The following PCSK5 variants were observed in gnomAD, a reference collection of about 807,000 sequenced individuals.
The protein encoded by PCSK5 is prohormone convertase 5.
In PCSK5, 129 loss-of-function variants were observed where a neutral mutation model predicts 233.2. That is an observed-to-expected ratio of 0.55 (90% CI 0.48 to 0.64). The LOEUF (loss-of-function observed/expected upper bound fraction) is 0.64, where lower values mean the gene tolerates loss of function less well. PCSK5 is among the 30% of genes least tolerant of loss of function. The probability of loss-of-function intolerance (pLI) is 0.00; values close to 1 mark genes in which losing one functional copy is unlikely to be tolerated. For missense variants in PCSK5, 2,076 were observed against 2,430.1 expected (o/e 0.85, Z 3.06); for synonymous variants, 825 against 879.2 (o/e 0.94, Z 1.09).
At chr9:75,940,649 A>AT (rs1209336744) in intron 2 of PCSK5, among the ~76,000 whole-genome samples, 3 of 152,238 alleles carry the variant, frequency 2.0e-5, no homozygotes, top group African/African-American at 7.2e-5. Flanking sequence ...CAAGAGTAAA[A>AT]TAGGTGTAAT....
At chr9:76,053,457 G>A (rs183849853) in intron 5 of PCSK5, among the ~76,000 whole-genome samples, 75 of 152,238 alleles carry the variant, frequency 4.9e-4, no homozygotes, top group African/African-American at 1.5e-3. Flanking sequence ...CTATTGCTTC[G>A]TTAGGCTGCA....
intron 24 of PCSK5, among the ~76,000 whole-genome samples, chr9:76,259,626 G>C (rs1827101280): frequency 6.6e-6 from 1 of 152,158 alleles, no homozygotes. Context: ...GCAGAGACTT[G>C]ATCGATTCTA....
At chr9:76,003,228 A>T (rs1827335579) in intron 3 of PCSK5, among the ~76,000 whole-genome samples, 1 of 152,188 alleles carries the variant, frequency 6.6e-6, no homozygotes, top group South Asian at 2.1e-4. Flanking sequence ...GCTCTTGATG[A>T]AAAGCCCTCA....
chr9:76,130,950 T>C (rs1273523324), intron 9 of PCSK5, among the ~76,000 whole-genome samples: 1 of 152,188 alleles, frequency 6.6e-6, no homozygotes, highest in Non-Finnish European at 1.5e-5. Flanking sequence ...TTCAAAGCTC[T>C]TGTTGCACAA....
At chr9:76,317,587 T>C (rs944276353) in intron 30 of PCSK5, among the ~76,000 whole-genome samples, 6 of 152,366 alleles carry the variant, frequency 3.9e-5, no homozygotes, top group South Asian at 2.1e-4. Context: ...GATTGGGTTA[T>C]TTGTTGCAGT....
At chr9:76,090,350 C>A (rs1009106507) in intron 7 of PCSK5, among the ~76,000 whole-genome samples, 1 of 151,978 alleles carries the variant, frequency 6.6e-6, no homozygotes, top group African/African-American at 2.4e-5. Flanking sequence ...TGAATGGAAA[C>A]CCCCTGTGCC....
intron 2 of PCSK5, among the ~76,000 whole-genome samples, chr9:75,962,282 C>A (rs1011804439): frequency 6.6e-6 from 1 of 152,158 alleles, no homozygotes; most frequent in Non-Finnish European, 1.5e-5. Context: ...CTTCCTTTAG[C>A]TCATTCAGAA....
At chr9:76,267,324 A>AT (rs1198949566) in intron 24 of PCSK5, among the ~76,000 whole-genome samples, 4 of 152,340 alleles carry the variant, frequency 2.6e-5, no homozygotes, top group African/African-American at 9.6e-5. Flanking sequence ...CAAAAGAATC[A>AT]TATCTTAGAT....
rs541789418 is a variant in PCSK5 at position 76,180,614 on chromosome 9, C to CCCACCTTCTCCCT, written c.2004-781_2004-769dup. 1.9e-3 allele frequency among the ~76,000 whole-genome samples: 294 copies of CCCACCTTCTCCCT among 152,188 alleles called. 3 individuals are homozygous for CCCACCTTCTCCCT. Among genetic ancestry groups the CCCACCTTCTCCCT allele is most frequent in the South Asian group, 0.018 (88 of 4,802 alleles). On this transcript the variant is annotated intron_variant, in intron 15 of 37. Transcript: ENST00000674117. ...CCTCCCCTTGTCTCCCACAGCCCCA[C>CCCACCTTCTCCCT]CCACCTTCTCCCTCCTCCTTCAGGC...
intron 20 of PCSK5, among the ~76,000 whole-genome samples, chr9:76,200,057 T>G (rs1824858361): frequency 6.6e-6 from 1 of 152,214 alleles, no homozygotes; most frequent in Admixed American, 6.5e-5. Flanking sequence ...CCCAGACTGC[T>G]GCAACAGCCT....
At chr9:76,164,106 C>A (rs895061656) in intron 12 of PCSK5, among the ~76,000 whole-genome samples, 1 of 151,798 alleles carries the variant, frequency 6.6e-6, no homozygotes, top group African/African-American at 2.4e-5. Flanking sequence ...AGTGTTTATG[C>A]TTCAGTCATT....
intron 35 of PCSK5, among the ~76,000 whole-genome samples, chr9:76,347,986 T>A (rs1200001603): frequency 1.3e-5 from 2 of 149,178 alleles, no homozygotes; most frequent in East Asian, 4.1e-4. Flanking sequence ...AACATGTCCA[T>A]CAGGCCAGGC....
chr9:75,946,326 G>A (rs1429215613), intron 2 of PCSK5, among the ~76,000 whole-genome samples: 1 of 152,180 alleles, frequency 6.6e-6, no homozygotes. Context: ...ATTGCATTTA[G>A]GATATTTGGA....
chr9:76,340,055 C>G (rs1829786119), intron 35 of PCSK5, among the ~76,000 whole-genome samples: 1 of 152,088 alleles, frequency 6.6e-6, no homozygotes, highest in African/African-American at 2.4e-5. Flanking sequence ...ATCATCTCAT[C>G]TCCTCCATGA....
chr9:76,158,897 T>C (rs1404278224), intron 11 of PCSK5, 86 bp from the exon 12 acceptor site: 3 of 1,082,300 alleles, frequency 2.8e-6, no homozygotes, highest in Non-Finnish European at 4.1e-6. Flanking sequence ...TTATCTTACA[T>C]TGTGTATTTA....
intron 10 of PCSK5, among the ~76,000 whole-genome samples, chr9:76,137,566 T>C (rs963697788): frequency 7.2e-5 from 11 of 152,152 alleles, no homozygotes; most frequent in African/African-American, 2.7e-4. Flanking sequence ...GGAAACTGAC[T>C]AAACATTGTT....
chr9:76,013,082 A>G (rs1207471737), intron 3 of PCSK5, among the ~76,000 whole-genome samples: 1 of 151,816 alleles, frequency 6.6e-6, no homozygotes. Flanking sequence ...TATAATGTCA[A>G]TACACTAATA....
At chr9:76,081,380 G>A (rs1331403476) in intron 7 of PCSK5, among the ~76,000 whole-genome samples, 1 of 152,070 alleles carries the variant, frequency 6.6e-6, no homozygotes, top group African/African-American at 2.4e-5. Flanking sequence ...CTTGAACCCG[G>A]GAGGCAGAGT....
At chr9:75,966,941 C>T (rs948026425) in intron 2 of PCSK5, among the ~76,000 whole-genome samples, 16 of 152,114 alleles carry the variant, frequency 1.1e-4, no homozygotes, top group Admixed American at 9.8e-4. Flanking sequence ...AGAACTAGTT[C>T]TGCCTCTATA....
Sources: allele counts gnomAD v4.1 joint callset (sites outside exome capture counted in the v4.1 genomes callset), GRCh38; gene constraint gnomAD v4.1.1; transcripts MANE v1.5; gene names NCBI Gene and HGNC (gene_info 2026-07-23, HGNC 2026-07-21).